TBC1D15: variants seen among roughly 807,000 people sequenced by gnomAD.
TBC1D15 encodes TBC1 domain family member 15.
TBC1D15 carries 39 observed loss-of-function variants against 95.4 expected under a neutral mutation model. The ratio of observed to expected loss-of-function variants is 0.41; its 90% CI spans 0.32 to 0.53. The LOEUF (loss-of-function observed/expected upper bound fraction) is 0.53. TBC1D15 is among the 20% of genes least tolerant of loss of function. The probability of loss-of-function intolerance (pLI) is 0.29; values close to 1 mark genes in which losing one functional copy is unlikely to be tolerated. For synonymous variants in TBC1D15, 258 were observed against 261.3 expected (o/e 0.99, Z 0.12); for missense variants, 733 against 794.3 (o/e 0.92, Z 0.93).
intron 1 of TBC1D15, among the ~76,000 whole-genome samples, chr12:71,848,287 T>C (rs1317506547): frequency 6.6e-6 from 1 of 152,214 alleles, no homozygotes; most frequent in Admixed American, 6.5e-5. Flanking sequence ...AAAGTAGGTG[T>C]AGTGTTTTAT....
intron 4 of TBC1D15, among the ~76,000 whole-genome samples, chr12:71,884,247 A>C (rs1209574275): frequency 2.6e-5 from 4 of 152,148 alleles, no homozygotes; most frequent in Non-Finnish European, 4.4e-5. Context: ...TGAAGGAATA[A>C]AAGTTTTTGT....
At chr12:71,874,265 G>A (rs1893301087) in intron 3 of TBC1D15, among the ~76,000 whole-genome samples, 1 of 152,178 alleles carries the variant, frequency 6.6e-6, no homozygotes, top group Non-Finnish European at 1.5e-5. Context: ...CTTTTTGGGA[G>A]GGGGCGGCAC....
intron 8 of TBC1D15, 74 bp from the exon 9 acceptor site, chr12:71,896,603 T>C (rs567532216): frequency 1.6e-6 from 2 of 1,280,330 alleles, no homozygotes; most frequent in East Asian, 4.7e-5. Context: ...TTTTCCTTTT[T>C]ATATGCAAGT....
intron 12 of TBC1D15, among the ~76,000 whole-genome samples, chr12:71,915,164 A>G (rs1903386946): frequency 6.6e-6 from 1 of 151,818 alleles, no homozygotes; most frequent in African/African-American, 2.4e-5. Context: ...TCTTAGTTCC[A>G]TTTACTCCCA....
chr12:71,882,077 C>T (rs966900229), intron 4 of TBC1D15, among the ~76,000 whole-genome samples: 3 of 151,638 alleles, frequency 2.0e-5, no homozygotes, highest in Admixed American at 1.3e-4. Flanking sequence ...GTTTTTTTCC[C>T]CCCAAAGAAA....
chr12:71,862,448 C>G (rs1890591086), intron 1 of TBC1D15, among the ~76,000 whole-genome samples: 1 of 152,098 alleles, frequency 6.6e-6, no homozygotes, highest in Non-Finnish European at 1.5e-5. Flanking sequence ...TTGTCTCTTT[C>G]TACAGTTTTT....
At chr12:71,863,736 C>G (rs1565965941) in intron 1 of TBC1D15, among the ~76,000 whole-genome samples, 1 of 152,086 alleles carries the variant, frequency 6.6e-6, no homozygotes, top group Non-Finnish European at 1.5e-5. Context: ...TTTCCCCTCA[C>G]TGAATAGGTA....
At chr12:71,894,485 T>C (rs1213787900) in intron 6 of TBC1D15, 1 of 1,290,864 alleles carries the variant, frequency 7.7e-7, no homozygotes, top group African/African-American at 1.5e-5. Context: ...TTATGCTATT[T>C]TAACCAAATG....
chr12:71,915,555 A>G (rs938530331), intron 12 of TBC1D15, among the ~76,000 whole-genome samples: 8 of 152,064 alleles, frequency 5.3e-5, no homozygotes, highest in African/African-American at 1.2e-4. Flanking sequence ...ATATATTGAC[A>G]TATAATGCCA....
At position 71,896,514 on chromosome 12, in the gene TBC1D15, T is replaced by C. The variant is rs946893760; in HGVS notation, c.985-163T>C. On this transcript the variant is annotated intron_variant, in intron 8 of 16. Transcript: ENST00000485960. The stretch of plus-strand genomic sequence containing the variant: ...CTTTCTGGCAGCTGCTTACATCTTT[T>C]GGATCTAGAAGTAAAAAACAAGATG... 11 of 628,824 alleles carry C rather than the reference T, an allele frequency of 1.7e-5. No individual in the cohort carries two copies. The Admixed American group carries it at 3.3e-4, about 19-fold the overall frequency. 39.0% of individuals were successfully genotyped at this position (628,824 alleles called of 1,614,324 possible). A position where few individuals can be genotyped will look rare whatever the true frequency, so the allele number is the denominator to read the frequency against.
At chr12:71,881,095 A>G (rs766588539) in intron 4 of TBC1D15, among the ~76,000 whole-genome samples, 1 of 152,160 alleles carries the variant, frequency 6.6e-6, no homozygotes, top group African/African-American at 2.4e-5. Flanking sequence ...CAGCATTTCA[A>G]TGACTGATCG....
intron 4 of TBC1D15, among the ~76,000 whole-genome samples, chr12:71,883,981 C>T (rs1199641377): frequency 6.6e-6 from 1 of 152,102 alleles, no homozygotes; most frequent in Admixed American, 6.5e-5. Flanking sequence ...AAAGAGGCCA[C>T]AAACTCAGAA....
At chr12:71,911,276 T>G (rs1902215716) in intron 11 of TBC1D15, among the ~76,000 whole-genome samples, 1 of 152,174 alleles carries the variant, frequency 6.6e-6, no homozygotes, top group Non-Finnish European at 1.5e-5. Flanking sequence ...TTACTGGGTA[T>G]ATACCCAAAG....
chr12:71,898,702 A>G (rs972340276), intron 10 of TBC1D15, among the ~76,000 whole-genome samples: 1 of 152,110 alleles, frequency 6.6e-6, no homozygotes, highest in African/African-American at 2.4e-5. Flanking sequence ...CCTATATTGT[A>G]TCTGGATTTG....
At chr12:71,894,448 C>T in intron 6 of TBC1D15, 1 of 1,428,350 alleles carries the variant, frequency 7.0e-7, no homozygotes, top group East Asian at 2.3e-5. Flanking sequence ...ATCTGCAATT[C>T]AATCAGTAGC....
intron 14 of TBC1D15, among the ~76,000 whole-genome samples, chr12:71,920,470 G>A (rs1015071689): frequency 6.6e-6 from 1 of 152,066 alleles, no homozygotes; most frequent in African/African-American, 2.4e-5. Flanking sequence ...ATACTGGTTA[G>A]GCTCAGTAAT....
intron 10 of TBC1D15, among the ~76,000 whole-genome samples, chr12:71,904,100 T>G (rs909312698): frequency 2.0e-5 from 3 of 151,730 alleles, no homozygotes; most frequent in African/African-American, 7.3e-5. Flanking sequence ...AATTTACAAG[T>G]AGGAAAAATT....
At chr12:71,918,208 T>C (rs76798302) in intron 13 of TBC1D15, among the ~76,000 whole-genome samples, 3,910 of 152,298 alleles carry the variant, frequency 0.026, 181 homozygotes, top group African/African-American at 0.089. Context: ...TTCGGTTCCA[T>C]AAAAATGTGG....
intron 11 of TBC1D15, among the ~76,000 whole-genome samples, chr12:71,910,001 T>C (rs1247349779): frequency 6.6e-6 from 1 of 152,126 alleles, no homozygotes; most frequent in East Asian, 1.9e-4. Flanking sequence ...TTAGGTCTAA[T>C]GTTTGTGTCT....
Sources: allele counts gnomAD v4.1 joint callset (sites outside exome capture counted in the v4.1 genomes callset), GRCh38; gene constraint gnomAD v4.1.1; transcripts MANE v1.5; gene names NCBI Gene and HGNC (gene_info 2026-07-23, HGNC 2026-07-21).